KIAA0408: variants seen among roughly 807,000 people sequenced by gnomAD.
KIAA0408 encodes the protein uncharacterized protein KIAA0408.
In KIAA0408, 51 loss-of-function variants were observed where a neutral mutation model predicts 60.9. That is an observed-to-expected ratio of 0.84 (90% CI 0.67 to 1.06). The LOEUF (loss-of-function observed/expected upper bound fraction) is 1.06. Among genes scored for constraint, KIAA0408 ranks in the 50% least tolerant of loss-of-function variants. The pLI, the probability that KIAA0408 is intolerant of heterozygous loss-of-function variation, is 0.00. For synonymous variants in KIAA0408, 304 were observed against 282.4 expected (o/e 1.08, Z -0.77); for missense variants, 787 against 833.9 (o/e 0.94, Z 0.69).
At chr6:127,450,398 C>G in intron 2 of KIAA0408, 46 bp from the exon 3 acceptor site, 1 of 1,523,560 alleles carries the variant, frequency 6.6e-7, no homozygotes, top group Non-Finnish European at 8.7e-7. Context: ...TCCCCTAATT[C>G]ACTTTGCTAA....
At chr6:127,449,064 A>G (rs1392726113) in intron 4 of KIAA0408, among the ~76,000 whole-genome samples, 2 of 152,194 alleles carry the variant, frequency 1.3e-5, no homozygotes, top group East Asian at 3.8e-4. Context: ...GAATTGAAGC[A>G]AAATAAAGTG....
In KIAA0408 at chr6:127,449,824, T is replaced by C. The variant is rs764717491; in HGVS notation, c.576A>G (p.Arg192=). The change falls in exon 4 of 6, where the codon AGA becomes AGG. Residue 192 remains arginine, a splice_region_variant and synonymous_variant. Transcript: ENST00000483725. ...QEEIRKRSNH[R]RMKSDSFLQE... ...AATAATCAGATGTACCAGCCTACCT[T>C]CTATGGTTAGACCGCTTTCGAATTT... 2 of 1,614,026 alleles carry C rather than the reference T, an allele frequency of 1.2e-6. No individual in the cohort carries two copies. The highest frequency in any genetic ancestry group is 2.7e-5 in the African/African-American group (2 of 75,056).
At chr6:127,444,408 T>A in intron 5 of KIAA0408, 126 bp from the exon 6 acceptor site, 1 of 710,526 alleles carries the variant, frequency 1.4e-6, no homozygotes, top group Non-Finnish European at 2.2e-6. Context: ...CATTGAAAAC[T>A]AAAGAAGGTA....
Position 127,447,719 on chromosome 6 carries a change from G to A in KIAA0408, c.600C>T (p.Leu200=), listed in dbSNP as rs147183755. 1 of 1,555,846 alleles carries A rather than the reference G, an allele frequency of 6.4e-7. No individual in the cohort carries two copies. Among genetic ancestry groups the A allele is most frequent in the Non-Finnish European group, 8.6e-7 (1 of 1,157,368 alleles). The change falls in exon 5 of 6, where the codon CTC becomes CTT. Residue 200 remains leucine, a synonymous_variant. Coordinates refer to ENST00000483725, the MANE Select transcript of KIAA0408 (RefSeq NM_014702.5). ...TATTAGTTACATTTGGCATTTCCTG[G>A]AGAAAAGAATCTGACTTCATCCTAA... ...NHRRMKSDSF[L]QEMPNVTNIP...
chr6:127,446,675 A>C lies in KIAA0408; in HGVS notation c.1644T>G (p.Ser548=), dbSNP rs144655044. The part of the protein sequence containing the change: ...HEHDWRPSNL[S]GRPRSADPRS... ...TGGGATCAGCTGACCTCGGACGGCC[A>C]GACAAATTACTCGGTCTCCAGTCAT... is the stretch of plus-strand genomic sequence containing the variant. The change falls in exon 5 of 6, where the codon TCT becomes TCG. Residue 548 remains serine, a synonymous_variant. Transcript: ENST00000483725. 2 of 1,613,924 alleles carry C rather than the reference A, an allele frequency of 1.2e-6. No individual in the cohort carries two copies. Among genetic ancestry groups the C allele is most frequent in the African/African-American group, 2.7e-5 (2 of 74,928 alleles).
intron 2 of KIAA0408, among the ~76,000 whole-genome samples, chr6:127,451,742 C>T (rs1286861726): frequency 6.6e-6 from 1 of 152,170 alleles, no homozygotes; most frequent in African/African-American, 2.4e-5. Flanking sequence ...TTCAGCTCAT[C>T]TTTCCATTTT....
chr6:127,446,586 A>T lies in KIAA0408; in HGVS notation c.1733T>A (p.Leu578Ter). ...ATCCTGGAAGCACTTAGAATTTTGC[A>T]ATGCAGACTCTGTTGCTGTCTCATA... The part of the protein sequence containing the change: ...KTYETATESA[L>*]QNSKCFQDNW... The change falls in exon 5 of 6, where the codon TTG becomes TAG. Residue 578 changes from leucine (L) to a stop codon, truncating the protein, a stop_gained. Transcript: ENST00000483725. LOFTEE classifies it high-confidence loss of function. The T allele has an allele frequency of 6.2e-7, 1 of 1,614,192 alleles. No homozygotes were observed. The highest frequency in any genetic ancestry group is 8.5e-7 in the Non-Finnish European group (1 of 1,180,032).
Position 127,453,838 on chromosome 6 carries a change from A to G in KIAA0408, c.135+9T>C. The stretch of plus-strand genomic sequence containing the variant: ...CATTACAGTATATCCAAAACAAATT[A>G]AAGTGTACCTCTTCTATTTTCTTCT... On this transcript the variant is annotated intron_variant, in intron 2 of 5. Transcript: ENST00000483725. 1 of 1,610,426 alleles carries G rather than the reference A, an allele frequency of 6.2e-7. No individual in the cohort carries two copies. Among genetic ancestry groups the G allele is most frequent in the East Asian group, 2.2e-5 (1 of 44,794 alleles).
Position 127,457,076 on chromosome 6 carries a change from C to T in KIAA0408, c.-121+2099G>A, listed in dbSNP as rs533236705. On this transcript the variant is annotated intron_variant, in intron 1 of 5. Transcript: ENST00000483725. ...AGAAGCAAGTGTAATTGTGTGAACTCTCATATTCTCCATGATCTTCTTTTG... is the reference window on the plus strand; with the variant it reads ...AGAAGCAAGTGTAATTGTGTGAACTTTCATATTCTCCATGATCTTCTTTTG... Among the ~76,000 whole-genome samples the T allele has an allele frequency of 2.2e-4, 33 of 152,156 alleles. 1 individual carries two copies. In the South Asian group the frequency reaches 2.9e-3, roughly 13 times the overall value.
At chr6:127,456,720 CG>C (rs1486403494) in intron 1 of KIAA0408, among the ~76,000 whole-genome samples, 1 of 151,734 alleles carries the variant, frequency 6.6e-6, no homozygotes, top group Non-Finnish European at 1.5e-5. Flanking sequence ...TCAGTCTTGT[CG>C]TAAATATAAT....
intron 1 of KIAA0408, among the ~76,000 whole-genome samples, chr6:127,458,140 T>A (rs1773427562): frequency 6.6e-6 from 1 of 152,232 alleles, no homozygotes; most frequent in Non-Finnish European, 1.5e-5. Context: ...TCTGCTTAAC[T>A]TTGATGGATT....
intron 5 of KIAA0408, among the ~76,000 whole-genome samples, chr6:127,445,158 CT>C (rs1773169265): frequency 1.3e-5 from 2 of 152,182 alleles, no homozygotes; most frequent in South Asian, 4.2e-4. Context: ...TTTTTGGAGA[CT>C]TATTTTCTAG....
intron 1 of KIAA0408, among the ~76,000 whole-genome samples, chr6:127,457,625 A>G (rs1469751195): frequency 6.6e-6 from 1 of 152,270 alleles, no homozygotes; most frequent in African/African-American, 2.4e-5. Context: ...CCAGGGCTGA[A>G]AGCCAGAATT....
Position 127,449,920 on chromosome 6 carries a change from C to T in KIAA0408, c.499-19G>A. 1 of 1,613,964 alleles carries T rather than the reference C, an allele frequency of 6.2e-7. No individual in the cohort carries two copies. On this transcript the variant is annotated intron_variant, in intron 3 of 5. Transcript: ENST00000483725. Reference sequence around the variant, plus strand: ...CAAGAGCCTTTACACATATAAGCAACAGCCCGTTAGCACTTTGAAATGTAA... The same window carrying T: ...CAAGAGCCTTTACACATATAAGCAATAGCCCGTTAGCACTTTGAAATGTAA...
At position 127,446,937 on chromosome 6, in the gene KIAA0408, T is replaced by A. The variant is rs1234194770; in HGVS notation, c.1382A>T (p.Gln461Leu). The A allele has an allele frequency of 6.2e-7, 1 of 1,614,146 alleles. No individual in the cohort carries two copies. The change falls in exon 5 of 6, where the codon CAA (glutamine) becomes CTA (leucine). Residue 461 changes from glutamine to leucine, a missense_variant. Coordinates refer to ENST00000483725, the MANE Select transcript of KIAA0408 (RefSeq NM_014702.5). The stretch of plus-strand genomic sequence containing the variant: ...CGATGATTTTGAGCAGCTGTGATTT[T>A]GCTGTATTGCCTGACAATTTCTATC... Reference protein sequence around the residue: ...RTDRNCQAIQQNHSCSKSSED... With the variant: ...RTDRNCQAIQLNHSCSKSSED...
At chr6:127,455,008 A>T (rs1191383841) in intron 1 of KIAA0408, among the ~76,000 whole-genome samples, 3 of 152,106 alleles carry the variant, frequency 2.0e-5, no homozygotes, top group Admixed American at 2.0e-4. Context: ...TAAAATGGGG[A>T]TAGTCATAGA....
rs1773098520 is a variant in KIAA0408, at chr6:127,440,942, C to T, written c.*3167G>A. On this transcript the variant is annotated 3_prime_UTR_variant, in exon 6 of 6. Transcript: ENST00000483725. ...GGAAGAAGCTAGAGTGAACTGTGTA[C>T]ATATATGAGTTTAGATTTCATAAGA... 1 of 152,036 alleles carries T rather than the reference C, an allele frequency of 6.6e-6. No individual in the cohort carries two copies. Among genetic ancestry groups the T allele is most frequent in the African/African-American group, 2.4e-5 (1 of 41,396 alleles). The allele number at this position is 152,036 out of a possible 1,614,324, so 9.4% of individuals were successfully genotyped here.
In KIAA0408 at chr6:127,446,487, T is replaced by G. The variant is rs1373675724; in HGVS notation, c.1832A>C (p.Glu611Ala). ...LSQHLEMLQM[E>A]QQFQQKTAVW... ...AGCTGTCTTTTGCTGAAACTGTTGT[T>G]CCATTTGGAGCATTTCTAAATGCTG... Residue 611 changes from glutamate (E) to alanine (A), a missense_variant, in exon 5 of 6, where the codon GAA becomes GCA. By Grantham distance (107) the Glu-to-Ala change is moderately radical (BLOSUM62 -1). Coordinates refer to ENST00000483725, the MANE Select transcript of KIAA0408 (RefSeq NM_014702.5). The G allele has an allele frequency of 6.2e-7, 1 of 1,614,032 alleles. No homozygotes were observed. The highest frequency in any genetic ancestry group is 2.2e-5 in the East Asian group (1 of 44,890).
intron 1 of KIAA0408, among the ~76,000 whole-genome samples, chr6:127,458,618 T>C (rs1380203898): frequency 6.6e-6 from 1 of 152,144 alleles, no homozygotes; most frequent in Admixed American, 6.6e-5. Flanking sequence ...AAAGACATAG[T>C]GGTAAGTTTC....
Sources: gnomAD v4.1 joint callset for allele counts (sites outside exome capture counted in the v4.1 genomes callset) on GRCh38, gnomAD v4.1.1 for gene constraint, MANE v1.5 for transcripts, NCBI Gene and HGNC (gene_info 2026-07-23, HGNC 2026-07-21) for gene names.